Variants in THRB observed in about 807,000 individuals in gnomAD.
THRB encodes the protein thyroid hormone receptor beta, also known as nuclear receptor subfamily 1 group A member 2.
A neutral mutation model predicts 47.8 loss-of-function variants in THRB; 12 were observed. The ratio of observed to expected loss-of-function variants is 0.25; its 90% CI spans 0.16 to 0.41. The LOEUF is 0.41. Among genes scored for constraint, THRB ranks in the 10% least tolerant of loss-of-function variants. The probability of loss-of-function intolerance (pLI) is 1.00; values close to 1 mark genes in which losing one functional copy is unlikely to be tolerated. For synonymous variants in THRB, 218 were observed against 212.2 expected, an observed-to-expected ratio of 1.03 and a Z score of -0.24; for missense variants, 348 against 589.2, an observed-to-expected ratio of 0.59 and a Z score of 4.24.
intron 1 of THRB, among the ~76,000 whole-genome samples, chr3:24,349,367 T>C (rs955609536): frequency 3.9e-5 from 6 of 152,068 alleles, no homozygotes; most frequent in African/African-American, 1.4e-4. Flanking sequence ...AATTCTAAGA[T>C]ATATGTGAAA....
rs1451603770 is a variant in THRB at position 24,402,513 on chromosome 3, T to TG, written c.-260-65143_-260-65142insC. On this transcript the variant is annotated intron_variant, in intron 1 of 10. Transcript: ENST00000646209. ...CTTCTTTCTTCCTTTTTTTTTTTTT[T>TG]TTGGTAACAACATATTTCCTCAATA... Among the ~76,000 whole-genome samples, 4 of 150,752 alleles carry TG rather than the reference T, an allele frequency of 2.7e-5. No homozygotes were observed. The East Asian group carries it at 5.9e-4, about 22-fold the overall frequency.
At chr3:24,207,108 C>G (rs2149800832) in intron 4 of THRB, among the ~76,000 whole-genome samples, 1 of 152,258 alleles carries the variant, frequency 6.6e-6, no homozygotes, top group Non-Finnish European at 1.5e-5. Context: ...CTATTCCAAT[C>G]AATAGAAAAA....
intron 5 of THRB, among the ~76,000 whole-genome samples, chr3:24,162,339 T>A (rs1294393215): frequency 6.6e-6 from 1 of 152,182 alleles, no homozygotes; most frequent in Non-Finnish European, 1.5e-5. Flanking sequence ...GGGCCAGAAG[T>A]GTGCAGCCAG....
intron 1 of THRB, among the ~76,000 whole-genome samples, chr3:24,342,994 G>C (rs1348636211): frequency 6.6e-6 from 1 of 152,094 alleles, no homozygotes; most frequent in Non-Finnish European, 1.5e-5. Flanking sequence ...TGAAAGACTT[G>C]GTTCTAATCC....
chr3:24,437,804 A>G (rs1016566138), intron 1 of THRB, among the ~76,000 whole-genome samples: 1 of 151,948 alleles, frequency 6.6e-6, no homozygotes, highest in Non-Finnish European at 1.5e-5. Flanking sequence ...TCAAAAACTA[A>G]ATTTACCCAG....
intron 4 of THRB, among the ~76,000 whole-genome samples, chr3:24,228,323 T>A (rs2047886461): frequency 6.6e-6 from 1 of 152,048 alleles, no homozygotes; most frequent in Non-Finnish European, 1.5e-5. Context: ...TTGCTAAGAG[T>A]TTTATAACTG....
At chr3:24,298,789 G>A (rs1160842023) in intron 2 of THRB, among the ~76,000 whole-genome samples, 1 of 152,112 alleles carries the variant, frequency 6.6e-6, no homozygotes, top group Non-Finnish European at 1.5e-5. Flanking sequence ...TCTCACCTTT[G>A]TAACCTCCTG....
At chr3:24,291,658 G>A (rs2055930605) in intron 3 of THRB, among the ~76,000 whole-genome samples, 2 of 152,134 alleles carry the variant, frequency 1.3e-5, no homozygotes, top group South Asian at 4.1e-4. Context: ...TAGTATGGAT[G>A]CATTTTTTTT....
At position 24,263,618 on chromosome 3, in the gene THRB, C is replaced by CTTT. The variant is rs3034414; in HGVS notation, c.-43+33605_-43+33607dup. On this transcript the variant is annotated intron_variant, in intron 3 of 10. Coordinates refer to ENST00000646209, the MANE Select transcript of THRB (RefSeq NM_001354712.2). Reference sequence around the variant, plus strand: ...CTTCATGTGGATTGGGGTTACAGGCCTTTTTTTTTTTTTGCTGGCATTCCT... The same window carrying CTTT: ...CTTCATGTGGATTGGGGTTACAGGCCTTTTTTTTTTTTTTTTGCTGGCATTCCT... Among the ~76,000 whole-genome samples the CTTT allele has an allele frequency of 9.3e-3, 1,269 of 136,922 alleles. 22 individuals carry two copies. The highest frequency in any genetic ancestry group is 0.025 in the East Asian group (123 of 4,850). The allele number at this position is 136,922 out of a possible 152,430, so 89.8% of individuals were successfully genotyped here. A position where few individuals can be genotyped will look rare whatever the true frequency, so the allele number is the denominator to read the frequency against.
At chr3:24,333,096 AAAAC>A (rs767158264) in intron 2 of THRB, among the ~76,000 whole-genome samples, 7 of 152,266 alleles carry the variant, frequency 4.6e-5, no homozygotes, top group African/African-American at 7.2e-5. Flanking sequence ...AACAAAAACA[AAAAC>A]AAACAAACAA....
intron 5 of THRB, among the ~76,000 whole-genome samples, chr3:24,163,886 T>C (rs974353198): frequency 6.6e-6 from 1 of 152,122 alleles, no homozygotes; most frequent in Non-Finnish European, 1.5e-5. Flanking sequence ...GTTCATTTGT[T>C]TTCATAACAG....
At position 24,148,678 on chromosome 3, in the gene THRB, C is replaced by T. The variant is rs192410456; in HGVS notation, c.385-1856G>A. Among the ~76,000 whole-genome samples the T allele has an allele frequency of 5.9e-5, 9 of 152,266 alleles. No homozygotes were observed. The East Asian group carries it at 1.2e-3, about 20-fold the overall frequency. ...GATTCAGCCCAAATTTTTATGATCCCGGTTAATGTTCTTTGGCTTTGATTA... is the reference window on the plus strand; with the variant it reads ...GATTCAGCCCAAATTTTTATGATCCTGGTTAATGTTCTTTGGCTTTGATTA... On this transcript the variant is annotated intron_variant, in intron 6 of 10. Coordinates refer to ENST00000646209, the MANE Select transcript of THRB (RefSeq NM_001354712.2).
At chr3:24,336,632 A>C (rs2149420496) in intron 2 of THRB, among the ~76,000 whole-genome samples, 1 of 152,266 alleles carries the variant, frequency 6.6e-6, no homozygotes, top group African/African-American at 2.4e-5. Context: ...AGGCAAATTC[A>C]GAAGACTTGC....
intron 1 of THRB, among the ~76,000 whole-genome samples, chr3:24,484,969 T>C (rs1483264885): frequency 6.6e-6 from 1 of 151,766 alleles, no homozygotes; most frequent in Non-Finnish European, 1.5e-5. Flanking sequence ...CATTCCTGCA[T>C]TCATTCATTC....
chr3:24,176,063 T>TTATC, intron 5 of THRB, among the ~76,000 whole-genome samples: 1 of 152,318 alleles, frequency 6.6e-6, no homozygotes, highest in South Asian at 2.1e-4. Context: ...CTTCAATGAT[T>TTATC]TATCTGTTTT....
chr3:24,149,988 G>A (rs2036665496), intron 6 of THRB, among the ~76,000 whole-genome samples: 1 of 152,140 alleles, frequency 6.6e-6, no homozygotes, highest in South Asian at 2.1e-4. Flanking sequence ...CCATTTTTTA[G>A]TACTTTGAGA....
At chr3:24,471,246 T>C (rs2074546067) in intron 1 of THRB, among the ~76,000 whole-genome samples, 1 of 152,184 alleles carries the variant, frequency 6.6e-6, no homozygotes, top group South Asian at 2.1e-4. Flanking sequence ...ATGTAAATTC[T>C]CCAGTTCCAC....
At chr3:24,205,214 A>G (rs891810989) in intron 4 of THRB, among the ~76,000 whole-genome samples, 2 of 152,206 alleles carry the variant, frequency 1.3e-5, no homozygotes, top group African/African-American at 4.8e-5. Context: ...GATTCACCAA[A>G]GTTGAAATGA....
At chr3:24,329,608 A>T (rs895937251) in intron 2 of THRB, among the ~76,000 whole-genome samples, 1 of 152,244 alleles carries the variant, frequency 6.6e-6, no homozygotes, top group African/African-American at 2.4e-5. Flanking sequence ...ACAGTGACCA[A>T]ACTGCACAAC....
Sources: allele counts gnomAD v4.1 joint callset (sites outside exome capture counted in the v4.1 genomes callset), GRCh38; gene constraint gnomAD v4.1.1; transcripts MANE v1.5; gene names NCBI Gene and HGNC (gene_info 2026-07-23, HGNC 2026-07-21).